Variants in ITPRIP observed in about 807,000 individuals in gnomAD.
ITPRIP encodes the protein inositol 1,4,5-trisphosphate receptor-interacting protein.
ITPRIP carries 32 observed loss-of-function variants against 35.8 expected under a neutral mutation model. That is an observed-to-expected ratio of 0.89 (90% CI 0.68 to 1.20). ITPRIP has a LOEUF of 1.20. ITPRIP is among the 50% of genes most tolerant of loss of function. ITPRIP has a pLI of 0.00. For missense variants in ITPRIP, 653 were observed against 735.6 expected (o/e 0.89, Z 1.30); for synonymous variants, 358 against 324.0 (o/e 1.11, Z -1.13).
chr10:104,313,024 G>C lies in ITPRIP; in HGVS notation c.*1384C>G, dbSNP rs1398318870. 1.0e-6 allele frequency: 1 copy of C among 985,360 alleles called. No individual in the cohort carries two copies. The highest frequency in any genetic ancestry group is 1.2e-6 in the Non-Finnish European group (1 of 830,002). 61.0% of individuals were successfully genotyped at this position (985,360 alleles called of 1,614,324 possible). A position where few individuals can be genotyped will look rare whatever the true frequency, so the allele number is the denominator to read the frequency against. On this transcript the variant is annotated 3_prime_UTR_variant, in exon 2 of 2. Transcript: ENST00000337478. ...GAGACGGAGCCCAGCTCCAACCACA[G>C]AGCTTCTGCCAGGCTCTTTGGGTCT...
In ITPRIP at chr10:104,311,348, G is replaced by A. The variant is rs1317964693; in HGVS notation, c.*3060C>T. 1 of 152,112 alleles carries A rather than the reference G, an allele frequency of 6.6e-6. No individual in the cohort carries two copies. Among genetic ancestry groups the A allele is most frequent in the Non-Finnish European group, 1.5e-5 (1 of 68,034 alleles). The allele number at this position is 152,112 out of a possible 1,614,324, so 9.4% of individuals were successfully genotyped here. Reference sequence around the variant, plus strand: ...AACTTTCCATTAAGAAAGAAAGTGAGAGGGCTTCCTCAGCTAGGGGTACCA... The same window carrying A: ...AACTTTCCATTAAGAAAGAAAGTGAAAGGGCTTCCTCAGCTAGGGGTACCA... On this transcript the variant is annotated 3_prime_UTR_variant, in exon 2 of 2. Transcript: ENST00000337478.
In ITPRIP at chr10:104,313,556, A is replaced by C; in HGVS notation, c.*852T>G. 4.1e-6 allele frequency: 4 copies of C among 985,338 alleles called. No homozygotes were observed. The highest frequency in any genetic ancestry group is 2.4e-6 in the Non-Finnish European group (2 of 829,960). 61.0% of individuals were successfully genotyped at this position (985,338 alleles called of 1,614,324 possible). A position where few individuals can be genotyped will look rare whatever the true frequency, so the allele number is the denominator to read the frequency against. On this transcript the variant is annotated 3_prime_UTR_variant, in exon 2 of 2. Coordinates refer to ENST00000337478, the MANE Select transcript of ITPRIP (RefSeq NM_001272013.2). ...CACCTTTAGCATCTGTCCTCCCCCT[A>C]CCACAATGATAGTCAGAAAGACCAG...
At chr10:104,335,411 C>T (rs1006721441) in intron 1 of ITPRIP, among the ~76,000 whole-genome samples, 1 of 152,188 alleles carries the variant, frequency 6.6e-6, no homozygotes, top group African/African-American at 2.4e-5. Flanking sequence ...CTTCCACTCG[C>T]TCTCTGCCTA....
intron 1 of ITPRIP, among the ~76,000 whole-genome samples, chr10:104,317,805 C>T (rs1187421418): frequency 1.3e-5 from 2 of 152,140 alleles, no homozygotes; most frequent in East Asian, 3.8e-4. Context: ...GGGATTTGTC[C>T]CCAGGTAAAG....
rs1479536676 is a variant in ITPRIP at position 104,326,196 on chromosome 10, AGGACT to A, written c.-13-10137_-13-10133del. 1.3e-5 allele frequency: 2 copies of A among 152,294 alleles called. No homozygotes were observed. The highest frequency in any genetic ancestry group is 2.9e-5 in the Non-Finnish European group (2 of 68,168). The allele number at this position is 152,294 out of a possible 1,614,324, so 9.4% of individuals were successfully genotyped here. On this transcript the variant is annotated intron_variant, in intron 1 of 1. Transcript: ENST00000337478. The surrounding 1 kb of genome is among the most constrained non-coding windows in gnomAD (Gnocchi z 4.8). ...TCACCAGAATGCCAACTCTGTTCTC[AGGACT>A]GGGTCATGGGGGTGGTCTGCCAGCC...
chr10:104,325,837 G>A (rs562574328), intron 1 of ITPRIP, among the ~76,000 whole-genome samples: 5 of 152,224 alleles, frequency 3.3e-5, no homozygotes, highest in Admixed American at 6.5e-5. Flanking sequence ...AGCCCCAACT[G>A]TCCCTCCCTA....
intron 1 of ITPRIP, among the ~76,000 whole-genome samples, chr10:104,320,347 G>A (rs1564863669): frequency 1.3e-5 from 2 of 152,082 alleles, no homozygotes; most frequent in African/African-American, 4.8e-5. Flanking sequence ...CCTTATCCTA[G>A]ACACTCCTTT....
intron 1 of ITPRIP, among the ~76,000 whole-genome samples, chr10:104,331,997 CCAGA>C (rs1415995890): frequency 6.6e-6 from 1 of 152,150 alleles, no homozygotes; most frequent in Non-Finnish European, 1.5e-5. Flanking sequence ...GCTACAGTGT[CCAGA>C]CAGACGCCTG....
At chr10:104,332,002 C>T (rs552508262) in intron 1 of ITPRIP, among the ~76,000 whole-genome samples, 13 of 152,324 alleles carry the variant, frequency 8.5e-5, no homozygotes, top group Admixed American at 7.8e-4. Flanking sequence ...AGTGTCCAGA[C>T]AGACGCCTGA....
Position 104,319,640 on chromosome 10 carries a change from A to G in ITPRIP, c.-13-3576T>C, listed in dbSNP as rs113402497. On this transcript the variant is annotated intron_variant, in intron 1 of 1. Coordinates refer to ENST00000337478, the MANE Select transcript of ITPRIP (RefSeq NM_001272013.2). Reference sequence around the variant, plus strand: ...GGCTCTGTCTGCAGCACCCTATGGGATAGGACAGGCCGAGGCAGATAATAG... The same window carrying G: ...GGCTCTGTCTGCAGCACCCTATGGGGTAGGACAGGCCGAGGCAGATAATAG... 3.5e-4 allele frequency among the ~76,000 whole-genome samples: 54 copies of G among 152,138 alleles called. 1 individual carries two copies. The highest frequency in any genetic ancestry group is 1.3e-3 in the African/African-American group (54 of 41,492).
At position 104,313,647 on chromosome 10, in the gene ITPRIP, A is replaced by G; in HGVS notation, c.*761T>C. The G allele has an allele frequency of 1.0e-6, 1 of 985,452 alleles. No homozygotes were observed. The highest frequency in any genetic ancestry group is 1.2e-6 in the Non-Finnish European group (1 of 830,010). 61.0% of individuals were successfully genotyped at this position (985,452 alleles called of 1,614,324 possible). Reference sequence around the variant, plus strand: ...GCACCCAGTGTGGCAAATACCCACCACGCTCGGGACCCAGTACGTTGGGGA... The same window carrying G: ...GCACCCAGTGTGGCAAATACCCACCGCGCTCGGGACCCAGTACGTTGGGGA... On this transcript the variant is annotated 3_prime_UTR_variant, in exon 2 of 2. Coordinates refer to ENST00000337478, the MANE Select transcript of ITPRIP (RefSeq NM_001272013.2).
At chr10:104,320,759 A>T (rs1293584173) in intron 1 of ITPRIP, among the ~76,000 whole-genome samples, 26 of 152,052 alleles carry the variant, frequency 1.7e-4, no homozygotes. Flanking sequence ...GCTGGTCTCG[A>T]ACTCCTGACC....
At position 104,311,394 on chromosome 10, in the gene ITPRIP, T is replaced by C. The variant is rs2135169880; in HGVS notation, c.*3014A>G. 1 of 152,334 alleles carries C rather than the reference T, an allele frequency of 6.6e-6. No homozygotes were observed. Among genetic ancestry groups the C allele is most frequent in the Non-Finnish European group, 1.5e-5 (1 of 68,038 alleles). The allele number at this position is 152,334 out of a possible 1,614,324, so 9.4% of individuals were successfully genotyped here. ...TACCATCAGTCACTTGGGGGAAATCTTTAAAAATCGAGCCTAGCCTGACCA... is the reference window on the plus strand; with the variant it reads ...TACCATCAGTCACTTGGGGGAAATCCTTAAAAATCGAGCCTAGCCTGACCA... On this transcript the variant is annotated 3_prime_UTR_variant, in exon 2 of 2. Coordinates refer to ENST00000337478, the MANE Select transcript of ITPRIP (RefSeq NM_001272013.2).
chr10:104,320,279 C>T (rs994198568), intron 1 of ITPRIP, among the ~76,000 whole-genome samples: 2 of 152,184 alleles, frequency 1.3e-5, no homozygotes, highest in Admixed American at 6.5e-5. Flanking sequence ...CATCTCCTGT[C>T]TCTGAAACTC....
At chr10:104,321,667 C>T (rs1027669206) in intron 1 of ITPRIP, among the ~76,000 whole-genome samples, 1 of 151,992 alleles carries the variant, frequency 6.6e-6, no homozygotes, top group Non-Finnish European at 1.5e-5. Flanking sequence ...GTGCTGGGCA[C>T]TGCACACACT....
intron 1 of ITPRIP, among the ~76,000 whole-genome samples, chr10:104,320,030 C>G (rs912593404): frequency 2.0e-5 from 3 of 152,082 alleles, no homozygotes; most frequent in Admixed American, 2.0e-4. Flanking sequence ...AGTATTTTAC[C>G]CCAAAATATA....
chr10:104,315,233 C>T lies in ITPRIP; in HGVS notation c.819G>A (p.Arg273=), dbSNP rs2013626333. Residue 273 remains arginine, a synonymous_variant, in exon 2 of 2, where the codon AGG becomes AGA. Coordinates refer to ENST00000337478, the MANE Select transcript of ITPRIP (RefSeq NM_001272013.2). This position sits in a 1 kb window ranked among gnomAD's most constrained non-coding sequence, Gnocchi z 5.7. ...CGCCGCAGGGAGGCGCCATGCTGTT[C>T]CTGCCGTGCAGGAGACACAGCATGT... is the stretch of plus-strand genomic sequence containing the variant. ...GEDMLCLLHG[R]NSMAPPCGDM... 1.2e-6 allele frequency: 2 copies of T among 1,613,458 alleles called. No individual in the cohort carries two copies. The highest frequency in any genetic ancestry group is 1.7e-6 in the Non-Finnish European group (2 of 1,179,736).
In ITPRIP at chr10:104,315,151, T is replaced by G. The variant is rs1322589782; in HGVS notation, c.901A>C (p.Met301Leu). The change falls in exon 2 of 2, where the codon ATG (methionine) becomes CTG (leucine). Residue 301 changes from methionine to leucine, a missense_variant. By Grantham distance (15) the Met-to-Leu change is conservative. Coordinates refer to ENST00000337478, the MANE Select transcript of ITPRIP (RefSeq NM_001272013.2). This position sits in a 1 kb window ranked among gnomAD's most constrained non-coding sequence, Gnocchi z 5.7. ...GTGAGGGCCGTCTGGAACCACTTCATGACCTGCATCGTGTCCAGGTACAGG... is the reference window on the plus strand; with the variant it reads ...GTGAGGGCCGTCTGGAACCACTTCAGGACCTGCATCGTGTCCAGGTACAGG... ...DSLYLDTMQVMKWFQTALTRA... is the reference protein window; with the variant it reads ...DSLYLDTMQVLKWFQTALTRA... 1.2e-6 allele frequency: 2 copies of G among 1,614,138 alleles called. No individual in the cohort carries two copies. Among genetic ancestry groups the G allele is most frequent in the Non-Finnish European group, 1.7e-6 (2 of 1,179,978 alleles).
At chr10:104,327,297 C>G (rs974162913) in intron 1 of ITPRIP, among the ~76,000 whole-genome samples, 2 of 152,100 alleles carry the variant, frequency 1.3e-5, no homozygotes, top group Non-Finnish European at 2.9e-5. Flanking sequence ...CAACCCTGCA[C>G]GTCTCCCCTC....
Sources: allele counts gnomAD v4.1 joint callset (sites outside exome capture counted in the v4.1 genomes callset), GRCh38; gene constraint gnomAD v4.1.1; non-coding constraint Gnocchi (gnomAD v3.1); transcripts MANE v1.5; gene names NCBI Gene and HGNC (gene_info 2026-07-23, HGNC 2026-07-21).